CEMIP: variants seen among roughly 807,000 people sequenced by gnomAD.
The protein encoded by CEMIP is cell migration-inducing and hyaluronan-binding protein.
A neutral mutation model predicts 156.9 loss-of-function variants in CEMIP; 105 were observed. The observed-to-expected ratio is 0.67, with a 90% CI of 0.57 to 0.79. The LOEUF is 0.79. Ranked by LOEUF, CEMIP falls within the 30% of genes least tolerant of loss-of-function variation. CEMIP has a pLI of 0.00. For synonymous variants in CEMIP, 676 were observed against 668.4 expected, an observed-to-expected ratio of 1.01 and a Z score of -0.17; for missense variants, 1,457 against 1,769.4, an observed-to-expected ratio of 0.82 and a Z score of 3.17.
chr15:80,790,800 G>A (rs1427808264), intron 1 of CEMIP, among the ~76,000 whole-genome samples: 1 of 152,118 alleles, frequency 6.6e-6, no homozygotes, highest in Non-Finnish European at 1.5e-5. Flanking sequence ...TCATTGACCC[G>A]CCCATTCTTT....
chr15:80,879,607 T>G, intron 4 of CEMIP, 109 bp from the exon 5 acceptor site: 1 of 1,296,338 alleles, frequency 7.7e-7, no homozygotes. Flanking sequence ...TGTGCCTTTT[T>G]GCCTGCCCCG....
At chr15:80,863,728 G>T (rs1028439342) in intron 1 of CEMIP, among the ~76,000 whole-genome samples, 2 of 152,192 alleles carry the variant, frequency 1.3e-5, no homozygotes, top group South Asian at 4.1e-4. Context: ...CAAGGCCTTT[G>T]GGGGCCCGGA....
chr15:80,909,132 C>T lies in CEMIP; in HGVS notation c.1623C>T (p.Gly541=). Residue 541 remains glycine (G), a synonymous_variant, in exon 14 of 30, where the codon GGC becomes GGT. Transcript: ENST00000394685. ...GATTTAAGGCAGCACACTTGGAGGG[C>T]ACGGAGCTGAAGCATATGGGACAGC... The part of the protein sequence containing the change: ...ALGFKAAHLE[G]TELKHMGQQL... 6.2e-7 allele frequency: 1 copy of T among 1,614,142 alleles called. No individual in the cohort carries two copies. The highest frequency in any genetic ancestry group is 8.5e-7 in the Non-Finnish European group (1 of 1,180,034).
chr15:80,878,972 A>C, intron 4 of CEMIP, 105 bp downstream of exon 4: 1 of 1,408,342 alleles, frequency 7.1e-7, no homozygotes, highest in Non-Finnish European at 1.0e-6. Context: ...TAAACATCAC[A>C]TGCTTTGGGT....
chr15:80,815,609 C>T (rs1896773225), intron 1 of CEMIP, among the ~76,000 whole-genome samples: 1 of 151,152 alleles, frequency 6.6e-6, no homozygotes, highest in African/African-American at 2.4e-5. Flanking sequence ...CCTTCCCTCC[C>T]TCATTCCTTC....
intron 3 of CEMIP, among the ~76,000 whole-genome samples, chr15:80,876,252 G>C (rs745654028): frequency 2.6e-5 from 4 of 152,152 alleles, no homozygotes; most frequent in African/African-American, 7.2e-5. Flanking sequence ...GCCTCTACTG[G>C]AATCCAGCCA....
intron 1 of CEMIP, among the ~76,000 whole-genome samples, chr15:80,838,853 G>C (rs1264996525): frequency 1.3e-5 from 2 of 152,214 alleles, no homozygotes; most frequent in Non-Finnish European, 2.9e-5. Flanking sequence ...GACTCAGCTA[G>C]GACGGGGCAG....
chr15:80,916,199 C>T (rs1356467619), intron 14 of CEMIP, among the ~76,000 whole-genome samples: 1 of 152,224 alleles, frequency 6.6e-6, no homozygotes, highest in Non-Finnish European at 1.5e-5. Flanking sequence ...AATCACACCT[C>T]CTTCACTTCA....
intron 1 of CEMIP, among the ~76,000 whole-genome samples, chr15:80,827,180 C>T (rs373397298): frequency 6.6e-5 from 10 of 152,256 alleles, no homozygotes; most frequent in African/African-American, 2.4e-4. Context: ...TTTTGTTCCA[C>T]CATTTGAAGC....
rs758436846 is a variant in CEMIP, at chr15:80,921,112, A to G, written c.2073+11A>G. 6.2e-7 allele frequency: 1 copy of G among 1,613,132 alleles called. No individual in the cohort carries two copies. The highest frequency in any genetic ancestry group is 1.3e-5 in the African/African-American group (1 of 74,918). ...GCTGCAGGATCTGAGGTGAGCAGAA[A>G]TATTCCTTCTTTGGCAGAAAGTGAG... On this transcript the variant is annotated intron_variant, in intron 16 of 29. Coordinates refer to ENST00000394685, the MANE Select transcript of CEMIP (RefSeq NM_001293298.2).
Position 80,906,038 on chromosome 15 carries a change from A to C in CEMIP, c.1412-625A>C, listed in dbSNP as rs182404282. Among the ~76,000 whole-genome samples the C allele has an allele frequency of 5.3e-5, 8 of 152,380 alleles. No homozygotes were observed. The East Asian group carries it at 1.5e-3, about 29-fold the overall frequency. ...TAGATACACACTCTACATGAGGCTG[A>C]GGTAAGCAGAATAGGGATTTGCCTG... On this transcript the variant is annotated intron_variant, in intron 12 of 29. Coordinates refer to ENST00000394685, the MANE Select transcript of CEMIP (RefSeq NM_001293298.2). This position sits in a 1 kb window ranked among gnomAD's most constrained non-coding sequence, Gnocchi z 4.3.
chr15:80,867,620 C>T (rs1186696902), intron 1 of CEMIP, among the ~76,000 whole-genome samples: 1 of 152,246 alleles, frequency 6.6e-6, no homozygotes, highest in Non-Finnish European at 1.5e-5. Context: ...TCTAAGGAGA[C>T]TGTGCTGATG....
chr15:80,908,273 T>C (rs1899890182), intron 13 of CEMIP, among the ~76,000 whole-genome samples: 1 of 152,160 alleles, frequency 6.6e-6, no homozygotes, highest in South Asian at 2.1e-4. Context: ...AGGGGACTCT[T>C]TCCCACTGAG....
At chr15:80,794,768 A>G (rs1429366616) in intron 1 of CEMIP, among the ~76,000 whole-genome samples, 1 of 148,292 alleles carries the variant, frequency 6.7e-6, no homozygotes, top group Non-Finnish European at 1.5e-5. Context: ...GTCTAGGGAG[A>G]GAGACAAATA....
intron 1 of CEMIP, among the ~76,000 whole-genome samples, chr15:80,825,717 C>A (rs1486610584): frequency 6.6e-6 from 1 of 152,218 alleles, no homozygotes; most frequent in Non-Finnish European, 1.5e-5. Context: ...CCTGGATTTG[C>A]ATCTGGCCAG....
intron 19 of CEMIP, 36 bp downstream of exon 19, chr15:80,925,791 G>A (rs765146547): frequency 1.2e-6 from 2 of 1,603,874 alleles, no homozygotes; most frequent in Non-Finnish European, 1.7e-6. Flanking sequence ...GGCACAAAGG[G>A]GGCATGGCGC....
At chr15:80,899,846 C>A (rs536341528) in intron 12 of CEMIP, among the ~76,000 whole-genome samples, 6 of 152,332 alleles carry the variant, frequency 3.9e-5, no homozygotes, top group African/African-American at 1.4e-4. Context: ...CTATGTGTCA[C>A]CCAGGGACAA....
At chr15:80,843,399 C>T (rs531078335) in intron 1 of CEMIP, among the ~76,000 whole-genome samples, 1 of 152,332 alleles carries the variant, frequency 6.6e-6, no homozygotes, top group East Asian at 1.9e-4. Flanking sequence ...GAAGACCTGC[C>T]TTCACGCAGC....
At chr15:80,909,642 CAG>C (rs764641289) in intron 14 of CEMIP, 44 of 473,314 alleles carry the variant, frequency 9.3e-5, no homozygotes, top group Admixed American at 4.2e-4. Flanking sequence ...TAACTGCAGA[CAG>C]GGGGATCATG....
Sources: gnomAD v4.1 joint callset for allele counts (sites outside exome capture counted in the v4.1 genomes callset) on GRCh38, gnomAD v4.1.1 for gene constraint, Gnocchi (gnomAD v3.1) non-coding constraint, MANE v1.5 for transcripts, NCBI Gene and HGNC (gene_info 2026-07-23, HGNC 2026-07-21) for gene names.